The following ZNF516 variants were observed in gnomAD, a reference collection of about 807,000 sequenced individuals.
ZNF516 encodes zinc finger protein 516.
ZNF516 carries 19 observed loss-of-function variants against 79.7 expected under a neutral mutation model. The ratio of observed to expected loss-of-function variants is 0.24; its 90% CI spans 0.17 to 0.35. ZNF516 has a LOEUF of 0.35. Ranked by LOEUF, ZNF516 falls within the 10% of genes least tolerant of loss-of-function variation. ZNF516 has a pLI of 1.00. For synonymous variants in ZNF516, 877 were observed against 739.5 expected (o/e 1.19, Z -3.02); for missense variants, 1,678 against 1,679.5 (o/e 1.00, Z 0.02).
chr18:76,365,574 T>C (rs915521742), intron 6 of ZNF516, among the ~76,000 whole-genome samples: 1 of 152,258 alleles, frequency 6.6e-6, no homozygotes, highest in African/African-American at 2.4e-5. Context: ...TTTATTCAGT[T>C]GTGCTAAATG....
rs1182589576 is a variant in ZNF516 at position 76,442,004 on chromosome 18, T to C, written c.1051A>G (p.Asn351Asp). Residue 351 changes from asparagine to aspartate, a missense_variant, in exon 3 of 7, where the codon AAC becomes GAC. Transcript: ENST00000443185. ...GNLFTNLDSL[N>D]AHNAIHRRVE... ...CTGCGGTGGATGGCATTGTGGGCGT[T>C]CAAGCTGTCCAGGTTTGTAAACAGG... The C allele has an allele frequency of 6.2e-7, 1 of 1,613,696 alleles. No individual in the cohort carries two copies. Among genetic ancestry groups the C allele is most frequent in the Admixed American group, 1.7e-5 (1 of 60,026 alleles).
chr18:76,496,305 C>T (rs778092380), upstream of ZNF516: 14 of 1,289,662 alleles, frequency 1.1e-5, no homozygotes, highest in Middle Eastern at 2.1e-4. Flanking sequence ...TTCTCCTTCT[C>T]CTCGTGATAA....
chr18:76,438,040 C>A (rs1460366857), intron 3 of ZNF516, among the ~76,000 whole-genome samples: 1 of 152,166 alleles, frequency 6.6e-6, no homozygotes, highest in Non-Finnish European at 1.5e-5. Context: ...TGGTGAAAAG[C>A]GGGAGTAGTG....
At chr18:76,487,649 T>G (rs979354625) in intron 1 of ZNF516, among the ~76,000 whole-genome samples, 6 of 152,186 alleles carry the variant, frequency 3.9e-5, no homozygotes, top group Non-Finnish European at 8.8e-5. Context: ...CTTTTCAAAA[T>G]TCCTGAAAAT....
At chr18:76,368,715 T>C (rs585594) in intron 6 of ZNF516, among the ~76,000 whole-genome samples, 5,403 of 152,274 alleles carry the variant, frequency 0.035, 166 homozygotes, top group African/African-American at 0.082. Flanking sequence ...TATATCAGAA[T>C]CAAGAATGAG....
At chr18:76,435,246 G>A (rs569179720) in intron 3 of ZNF516, among the ~76,000 whole-genome samples, 17 of 152,262 alleles carry the variant, frequency 1.1e-4, no homozygotes, top group African/African-American at 2.9e-4. Context: ...TCTCAGTGGC[G>A]GGAAGAAAGC....
intron 1 of ZNF516, among the ~76,000 whole-genome samples, chr18:76,483,237 C>G (rs950411195): frequency 6.6e-6 from 1 of 152,122 alleles, no homozygotes; most frequent in Non-Finnish European, 1.5e-5. Context: ...AAGGTCCAGA[C>G]AGCAACCCGG....
At chr18:76,492,486 G>A (rs1915290003) in intron 1 of ZNF516, 1 of 552,240 alleles carries the variant, frequency 1.8e-6, no homozygotes, top group South Asian at 7.9e-5. Flanking sequence ...TCTAGAATTT[G>A]CCAGGGACTA....
intron 1 of ZNF516, among the ~76,000 whole-genome samples, chr18:76,494,392 C>A (rs1395703015): frequency 6.6e-6 from 1 of 151,124 alleles, no homozygotes; most frequent in Non-Finnish European, 1.5e-5. Context: ...CCGCACCCGG[C>A]GGGGCGCAGC....
chr18:76,380,580 C>T (rs1050593843), intron 3 of ZNF516, among the ~76,000 whole-genome samples: 1 of 152,116 alleles, frequency 6.6e-6, no homozygotes, highest in Admixed American at 6.5e-5. Flanking sequence ...CATGTAACGA[C>T]GCTGTCCCTA....
At chr18:76,414,751 T>A (rs548904010) in intron 3 of ZNF516, among the ~76,000 whole-genome samples, 4 of 152,380 alleles carry the variant, frequency 2.6e-5, no homozygotes, top group Admixed American at 1.3e-4. Flanking sequence ...AATGGGCCAA[T>A]CATGTTCGCA....
chr18:76,423,109 C>G (rs2075528991), intron 3 of ZNF516, among the ~76,000 whole-genome samples: 1 of 152,154 alleles, frequency 6.6e-6, no homozygotes, highest in Non-Finnish European at 1.5e-5. Flanking sequence ...GCTGGCAGCA[C>G]AATCTAACAG....
At chr18:76,382,903 A>G (rs1312212002) in intron 3 of ZNF516, among the ~76,000 whole-genome samples, 1 of 152,036 alleles carries the variant, frequency 6.6e-6, no homozygotes, top group African/African-American at 2.4e-5. Flanking sequence ...AAAATTAGCC[A>G]AGCGTGGTGG....
At chr18:76,415,726 C>T (rs111278232) in intron 3 of ZNF516, among the ~76,000 whole-genome samples, 52 of 152,310 alleles carry the variant, frequency 3.4e-4, no homozygotes, top group Admixed American at 3.1e-3. Flanking sequence ...GCATCTCTCT[C>T]ACTTCAACTG....
Position 76,379,426 on chromosome 18 carries a change from T to C in ZNF516, c.2688A>G (p.Pro896=), listed in dbSNP as rs1451697619. ...RQTKPCHGQE[P]HGAATQGPLA... ...GGGGCCCCTGTGTGGCCGCGCCATG[T>C]GGCTCCTGGCCGTGACAAGGTTTGG... The change falls in exon 4 of 7, where the codon CCA becomes CCG. Residue 896 remains proline (P), a synonymous_variant. Coordinates refer to ENST00000443185, the MANE Select transcript of ZNF516 (RefSeq NM_014643.4). 1 of 1,611,492 alleles carries C rather than the reference T, an allele frequency of 6.2e-7. No individual in the cohort carries two copies. Among genetic ancestry groups the C allele is most frequent in the Admixed American group, 1.7e-5 (1 of 59,882 alleles).
At chr18:76,396,057 G>C (rs910103358) in intron 3 of ZNF516, among the ~76,000 whole-genome samples, 7 of 152,216 alleles carry the variant, frequency 4.6e-5, no homozygotes, top group Admixed American at 3.9e-4. Flanking sequence ...TTAAAAGCCA[G>C]ATGGAATATT....
At position 76,379,160 on chromosome 18, in the gene ZNF516, G is replaced by A; in HGVS notation, c.2954C>T (p.Pro985Leu). 4 of 1,612,906 alleles carry A rather than the reference G, an allele frequency of 2.5e-6. No individual in the cohort carries two copies. The highest frequency in any genetic ancestry group is 3.4e-6 in the Non-Finnish European group (4 of 1,179,764). The change falls in exon 4 of 7, where the codon CCA (proline) becomes CTA (leucine). Residue 985 changes from proline to leucine, a missense_variant. By Grantham distance (98) the Pro-to-Leu change is moderately conservative. Transcript: ENST00000443185. ...KAKFSAQPQG[P>L]PPAKGEGGAP... ...GCCCCCTTCGCCCTTTGCAGGAGGT[G>A]GACCCTGAGGCTGAGCACTGAATTT...
intron 3 of ZNF516, among the ~76,000 whole-genome samples, chr18:76,395,106 AGCCTGCAT>A (rs146091093): frequency 1.2e-4 from 18 of 152,284 alleles, no homozygotes; most frequent in South Asian, 2.1e-4. Flanking sequence ...TCACAGACAA[AGCCTGCAT>A]GCCTGCATGC....
At chr18:76,392,164 G>A (rs1257958767) in intron 3 of ZNF516, among the ~76,000 whole-genome samples, 1 of 152,194 alleles carries the variant, frequency 6.6e-6, no homozygotes, top group Non-Finnish European at 1.5e-5. Flanking sequence ...TTACATCCAG[G>A]GCTCAGGGTG....
Sources: gnomAD v4.1 joint callset for allele counts (sites outside exome capture counted in the v4.1 genomes callset) on GRCh38, gnomAD v4.1.1 for gene constraint, MANE v1.5 for transcripts, NCBI Gene and HGNC (gene_info 2026-07-23, HGNC 2026-07-21) for gene names.